NDST4: variants seen among roughly 807,000 people sequenced by gnomAD.
NDST4 encodes N-heparan sulfate sulfotransferase 4.
NDST4 carries 63 observed loss-of-function variants against 100.8 expected under a neutral mutation model. The observed-to-expected ratio is 0.62, with a 90% CI of 0.51 to 0.77. NDST4 has a LOEUF of 0.77. NDST4 is among the 30% of genes least tolerant of loss of function. The pLI is 0.00. For synonymous variants in NDST4, 377 were observed against 361.8 expected (o/e 1.04, Z -0.48); for missense variants, 943 against 1,018.4 (o/e 0.93, Z 1.01).
chr4:114,889,199 C>T (rs191183461), intron 6 of NDST4, among the ~76,000 whole-genome samples: 38 of 152,280 alleles, frequency 2.5e-4, no homozygotes, highest in Non-Finnish European at 4.9e-4. Flanking sequence ...AAGTTAAATA[C>T]TTAATTCATA....
At chr4:115,098,176 C>G (rs1729658384) in intron 1 of NDST4, among the ~76,000 whole-genome samples, 1 of 152,094 alleles carries the variant, frequency 6.6e-6, no homozygotes, top group South Asian at 2.1e-4. Flanking sequence ...TGTTCTGTAC[C>G]TTTTATTCCT....
At chr4:115,099,721 A>G (rs1302690354) in intron 1 of NDST4, among the ~76,000 whole-genome samples, 1 of 152,198 alleles carries the variant, frequency 6.6e-6, no homozygotes, top group East Asian at 1.9e-4. Flanking sequence ...GGTAGGAATG[A>G]AAAATGATAC....
At chr4:114,946,178 C>G (rs937875492) in intron 4 of NDST4, among the ~76,000 whole-genome samples, 1 of 152,110 alleles carries the variant, frequency 6.6e-6, no homozygotes, top group African/African-American at 2.4e-5. Context: ...TGATTTGGCA[C>G]GTGCTTTGCT....
At chr4:115,002,175 C>T (rs2126256258) in intron 2 of NDST4, among the ~76,000 whole-genome samples, 2 of 152,300 alleles carry the variant, frequency 1.3e-5, no homozygotes, top group East Asian at 3.9e-4. Flanking sequence ...GGTTTCCTGA[C>T]ATTTTAATAA....
chr4:114,976,962 A>T (rs1335728340), intron 3 of NDST4, among the ~76,000 whole-genome samples: 1 of 148,078 alleles, frequency 6.8e-6, no homozygotes, highest in South Asian at 2.1e-4. Flanking sequence ...TCTATTTTTT[A>T]AAAAATGAGT....
chr4:114,910,777 C>A (rs934801951), intron 6 of NDST4, among the ~76,000 whole-genome samples: 1 of 152,164 alleles, frequency 6.6e-6, no homozygotes, highest in Non-Finnish European at 1.5e-5. Context: ...CTGATCATCT[C>A]CCAGTATTCC....
chr4:115,019,425 T>C (rs1292518332), intron 2 of NDST4, among the ~76,000 whole-genome samples: 1 of 152,126 alleles, frequency 6.6e-6, no homozygotes, highest in Non-Finnish European at 1.5e-5. Context: ...CCTAATCTTT[T>C]CATCATCTGG....
At chr4:114,922,508 T>C (rs1725309725) in intron 6 of NDST4, among the ~76,000 whole-genome samples, 1 of 152,214 alleles carries the variant, frequency 6.6e-6, no homozygotes, top group South Asian at 2.1e-4. Flanking sequence ...CACTGATCTC[T>C]AACACTGCCT....
chr4:114,999,500 T>C (rs2126255192), intron 2 of NDST4, among the ~76,000 whole-genome samples: 1 of 152,290 alleles, frequency 6.6e-6, no homozygotes, highest in South Asian at 2.1e-4. Context: ...AATATTATCA[T>C]CATAAATTTA....
chr4:115,056,757 C>G (rs1426440814), intron 2 of NDST4, among the ~76,000 whole-genome samples: 4 of 152,128 alleles, frequency 2.6e-5, no homozygotes, highest in Non-Finnish European at 4.4e-5. Flanking sequence ...TATAGACTGT[C>G]AAGACCATGA....
chr4:115,072,267 T>A (rs1450268236), intron 2 of NDST4, among the ~76,000 whole-genome samples: 1 of 152,072 alleles, frequency 6.6e-6, no homozygotes, highest in African/African-American at 2.4e-5. Flanking sequence ...TTGTTGAATG[T>A]CTATGATATC....
intron 4 of NDST4, among the ~76,000 whole-genome samples, chr4:114,962,758 C>T (rs951812356): frequency 3.9e-5 from 6 of 152,078 alleles, no homozygotes; most frequent in African/African-American, 1.2e-4. Context: ...AGATTGACTG[C>T]TATCACTGTC....
At chr4:114,894,623 G>A (rs1724673140) in intron 6 of NDST4, among the ~76,000 whole-genome samples, 1 of 152,150 alleles carries the variant, frequency 6.6e-6, no homozygotes, top group African/African-American at 2.4e-5. Flanking sequence ...TTGCTTATCA[G>A]TTCAAGAAAC....
At chr4:115,060,562 A>G (rs1316328869) in intron 2 of NDST4, among the ~76,000 whole-genome samples, 1 of 152,032 alleles carries the variant, frequency 6.6e-6, no homozygotes, top group African/African-American at 2.4e-5. Context: ...TCAATATTTA[A>G]AATAAATTAT....
At chr4:114,970,607 T>C (rs183172911) in intron 3 of NDST4, 23 bp from the exon 4 acceptor site, 150 of 1,588,466 alleles carry the variant, frequency 9.4e-5, no homozygotes, top group Non-Finnish European at 9.8e-5. Context: ...AAGTTAAAAA[T>C]AACTTTAGTG....
intron 2 of NDST4, among the ~76,000 whole-genome samples, chr4:115,049,593 C>T (rs1358978307): frequency 6.6e-6 from 1 of 152,106 alleles, no homozygotes; most frequent in Non-Finnish European, 1.5e-5. Context: ...ATTTCAGCAA[C>T]TGAAGTTGCA....
intron 2 of NDST4, among the ~76,000 whole-genome samples, chr4:115,068,502 T>C (rs879779149): frequency 6.6e-6 from 1 of 152,098 alleles, no homozygotes; most frequent in Non-Finnish European, 1.5e-5. Context: ...CAAATTATTC[T>C]TTCTTTACAA....
chr4:114,967,602 T>C (rs1726412060), intron 4 of NDST4, among the ~76,000 whole-genome samples: 1 of 152,084 alleles, frequency 6.6e-6, no homozygotes, highest in Admixed American at 6.6e-5. Context: ...TTAAGACAGG[T>C]GATAAACATG....
At chr4:114,993,933 T>C (rs1727105519) in intron 2 of NDST4, among the ~76,000 whole-genome samples, 1 of 152,024 alleles carries the variant, frequency 6.6e-6, no homozygotes, top group Non-Finnish European at 1.5e-5. Flanking sequence ...GCTAAAAGTA[T>C]GATGCTTCCT....
Sources: gnomAD v4.1 joint callset for allele counts (sites outside exome capture counted in the v4.1 genomes callset) on GRCh38, gnomAD v4.1.1 for gene constraint, MANE v1.5 for transcripts, NCBI Gene and HGNC (gene_info 2026-07-23, HGNC 2026-07-21) for gene names.